ZC2HC1A: variants seen among roughly 807,000 people sequenced by gnomAD.
ZC2HC1A encodes the protein zinc finger C2HC-type containing 1A.
A neutral mutation model predicts 40.7 loss-of-function variants in ZC2HC1A; 28 were observed. That is an observed-to-expected ratio of 0.69 (90% CI 0.51 to 0.94). The LOEUF is 0.94. Among genes scored for constraint, ZC2HC1A ranks in the 40% least tolerant of loss-of-function variants. The pLI is 0.00. For synonymous variants in ZC2HC1A, 129 were observed against 129.2 expected, an observed-to-expected ratio of 1.00 and a Z score of 0.01; for missense variants, 389 against 386.3, an observed-to-expected ratio of 1.01 and a Z score of -0.06.
intron 7 of ZC2HC1A, among the ~76,000 whole-genome samples, chr8:78,702,995 C>T (rs1241510446): frequency 1.3e-5 from 2 of 152,102 alleles, no homozygotes; most frequent in African/African-American, 4.8e-5. Flanking sequence ...CTCCTGGGTT[C>T]AAGCGATTCT....
chr8:78,666,310 A>G, intron 1 of ZC2HC1A, 146 bp downstream of exon 1: 1 of 1,363,772 alleles, frequency 7.3e-7, no homozygotes, highest in Non-Finnish European at 1.0e-6. Context: ...GCTGGGGCCG[A>G]AGGGAACCGG....
intron 5 of ZC2HC1A, among the ~76,000 whole-genome samples, chr8:78,690,548 A>G (rs1454142567): frequency 1.3e-5 from 2 of 150,954 alleles, no homozygotes; most frequent in Non-Finnish European, 2.9e-5. Context: ...CGACAGAGCA[A>G]GAGACTGTCT....
intron 2 of ZC2HC1A, 124 bp downstream of exon 2, chr8:78,675,987 T>C: frequency 2.8e-6 from 2 of 725,694 alleles, no homozygotes; most frequent in Non-Finnish European, 4.4e-6. Flanking sequence ...GTACTATTCT[T>C]TGTTCAAGGG....
In ZC2HC1A at chr8:78,718,465, C is replaced by A. The variant is rs1007442443; in HGVS notation, c.*972C>A. On this transcript the variant is annotated 3_prime_UTR_variant, in exon 9 of 9. Coordinates refer to ENST00000263849, the MANE Select transcript of ZC2HC1A (RefSeq NM_016010.3). ...AATCATAATAGTTGTGGTAACTAAT[C>A]ATTAGTGCAGAGCATGCAGATAAAA... 7 of 151,766 alleles carry A rather than the reference C, an allele frequency of 4.6e-5. No individual in the cohort carries two copies. Among genetic ancestry groups the A allele is most frequent in the African/African-American group, 1.7e-4 (7 of 41,384 alleles). 9.4% of individuals were successfully genotyped at this position (151,766 alleles called of 1,614,324 possible).
At chr8:78,709,389 G>A (rs1161247287) in intron 7 of ZC2HC1A, among the ~76,000 whole-genome samples, 1 of 152,174 alleles carries the variant, frequency 6.6e-6, no homozygotes, top group Admixed American at 6.5e-5. Context: ...AAATGAATTT[G>A]TGTGGAGCGT....
chr8:78,686,652 A>G (rs1462053081), intron 4 of ZC2HC1A, 44 bp downstream of exon 4: 2 of 1,416,108 alleles, frequency 1.4e-6, no homozygotes, highest in Non-Finnish European at 9.3e-7. Context: ...TGGAAAGAAA[A>G]TAATGATAGA....
At chr8:78,681,696 A>G (rs1809784550) in intron 3 of ZC2HC1A, among the ~76,000 whole-genome samples, 1 of 152,090 alleles carries the variant, frequency 6.6e-6, no homozygotes, top group Non-Finnish European at 1.5e-5. Context: ...TGGGAAGGAA[A>G]ATATTTTCTA....
At chr8:78,680,491 T>G (rs1355171850) in intron 3 of ZC2HC1A, among the ~76,000 whole-genome samples, 4 of 152,096 alleles carry the variant, frequency 2.6e-5, no homozygotes, top group Non-Finnish European at 4.4e-5. Context: ...GGGTGAGTCG[T>G]ATGCACATTA....
intron 7 of ZC2HC1A, among the ~76,000 whole-genome samples, chr8:78,701,939 T>G (rs984320412): frequency 6.6e-6 from 1 of 152,154 alleles, no homozygotes; most frequent in African/African-American, 2.4e-5. Context: ...AGTTTCCTTT[T>G]TTGTTGTGTC....
chr8:78,677,220 T>C (rs1809609743), intron 2 of ZC2HC1A, among the ~76,000 whole-genome samples: 1 of 152,146 alleles, frequency 6.6e-6, no homozygotes, highest in Non-Finnish European at 1.5e-5. Flanking sequence ...TTTACCGATG[T>C]CATCAATCAT....
At position 78,698,519 on chromosome 8, in the gene ZC2HC1A, T is replaced by C. The variant is rs185179032; in HGVS notation, c.704+6T>C. On this transcript the variant is annotated splice_donor_region_variant and intron_variant, in intron 7 of 8. Coordinates refer to ENST00000263849, the MANE Select transcript of ZC2HC1A (RefSeq NM_016010.3). ...ATAGCAGCCCCTCATGCAGGGTAAG[T>C]CTACACTGGATATAATTATTAGTGG... The C allele has an allele frequency of 6.4e-6, 10 of 1,572,238 alleles. No homozygotes were observed. The highest frequency in any genetic ancestry group is 1.8e-5 in the Admixed American group (1 of 55,252).
At chr8:78,679,345 G>T (rs559112456) in intron 3 of ZC2HC1A, 1 of 152,016 alleles carries the variant, frequency 6.6e-6, no homozygotes, top group Non-Finnish European at 1.5e-5. Context: ...CAATATCTGT[G>T]GATACTCAAA....
intron 7 of ZC2HC1A, among the ~76,000 whole-genome samples, chr8:78,710,621 C>T (rs1401094502): frequency 6.6e-6 from 1 of 151,668 alleles, no homozygotes; most frequent in East Asian, 1.9e-4. Flanking sequence ...TCCTTATTTC[C>T]AGAATCATGT....
At position 78,719,515 on chromosome 8, in the gene ZC2HC1A, T is replaced by A. The variant is rs1000695982; in HGVS notation, c.*2022T>A. 5 of 151,692 alleles carry A rather than the reference T, an allele frequency of 3.3e-5. No individual in the cohort carries two copies. Among genetic ancestry groups the A allele is most frequent in the African/African-American group, 9.7e-5 (4 of 41,390 alleles). The allele number at this position is 151,692 out of a possible 1,614,324, so 9.4% of individuals were successfully genotyped here. A position where few individuals can be genotyped will look rare whatever the true frequency, so the allele number is the denominator to read the frequency against. Reference sequence around the variant, plus strand: ...ATTGATTTGTGCAATAGTTCAGTTTTAAAAAAAATCTTCCTATGCATCATG... The same window carrying A: ...ATTGATTTGTGCAATAGTTCAGTTTAAAAAAAAATCTTCCTATGCATCATG... On this transcript the variant is annotated 3_prime_UTR_variant, in exon 9 of 9. Transcript: ENST00000263849.
chr8:78,691,867 G>A (rs540492802), intron 5 of ZC2HC1A, among the ~76,000 whole-genome samples: 27 of 152,056 alleles, frequency 1.8e-4, no homozygotes, highest in Admixed American at 9.8e-4. Flanking sequence ...GATGTGTATT[G>A]TTATACTTAC....
chr8:78,666,259 C>A, intron 1 of ZC2HC1A, 95 bp downstream of exon 1: 1 of 1,530,110 alleles, frequency 6.5e-7, no homozygotes, highest in South Asian at 1.2e-5. Context: ...AGGGCTGGTT[C>A]GGTGCGGCGG....
intron 7 of ZC2HC1A, among the ~76,000 whole-genome samples, chr8:78,699,851 T>TG (rs1810544823): frequency 6.6e-6 from 1 of 152,228 alleles, no homozygotes; most frequent in Non-Finnish European, 1.5e-5. Context: ...TACTATATTT[T>TG]CTTTATCCAG....
At chr8:78,680,286 C>CAAAAAAAAA (rs3070855) in intron 3 of ZC2HC1A, among the ~76,000 whole-genome samples, 1 of 88,150 alleles carries the variant, frequency 1.1e-5, no homozygotes, top group Non-Finnish European at 2.2e-5. Flanking sequence ...GACTCCGTCT[C>CAAAAAAAAA]AAAAAAAAAA....
intron 4 of ZC2HC1A, among the ~76,000 whole-genome samples, chr8:78,688,402 A>C (rs1309883013): frequency 2.6e-5 from 4 of 152,152 alleles, no homozygotes; most frequent in Non-Finnish European, 4.4e-5. Flanking sequence ...TCCAGTAGTA[A>C]GGAGGACAAA....
Sources: gnomAD v4.1 joint callset for allele counts (sites outside exome capture counted in the v4.1 genomes callset) on GRCh38, gnomAD v4.1.1 for gene constraint, MANE v1.5 for transcripts, NCBI Gene and HGNC (gene_info 2026-07-23, HGNC 2026-07-21) for gene names.